Variants in PHOSPHO2 observed in about 807,000 individuals in gnomAD.
PHOSPHO2 encodes the protein pyridoxal phosphate phosphatase PHOSPHO2.
A neutral mutation model predicts 16.4 loss-of-function variants in PHOSPHO2; 14 were observed. The observed-to-expected ratio is 0.85, with a 90% CI of 0.56 to 1.33. The LOEUF is 1.33. PHOSPHO2 is among the 40% of genes most tolerant of loss of function. The probability of loss-of-function intolerance (pLI) is 0.00; values close to 1 mark genes in which losing one functional copy is unlikely to be tolerated. For missense variants in PHOSPHO2, 246 were observed against 282.5 expected (o/e 0.87, Z 0.93); for synonymous variants, 85 against 90.5 (o/e 0.94, Z 0.34).
chr2:169,694,968 G>A (rs1365314824), intron 1 of PHOSPHO2, among the ~76,000 whole-genome samples: 2 of 152,172 alleles, frequency 1.3e-5, no homozygotes, highest in Non-Finnish European at 2.9e-5. Context: ...GAATATTTAC[G>A]TTAGGACCTT....
chr2:169,695,686 C>T (rs1330667848), intron 2 of PHOSPHO2, among the ~76,000 whole-genome samples: 1 of 152,086 alleles, frequency 6.6e-6, no homozygotes, highest in Non-Finnish European at 1.5e-5. Flanking sequence ...GATTTTTACC[C>T]TGTTTGCAGG....
At chr2:169,695,943 G>A (rs1158944977) in intron 2 of PHOSPHO2, among the ~76,000 whole-genome samples, 1 of 152,154 alleles carries the variant, frequency 6.6e-6, no homozygotes, top group Non-Finnish European at 1.5e-5. Flanking sequence ...TCTCAAGGCT[G>A]TCCAGTGTAC....
intron 2 of PHOSPHO2, among the ~76,000 whole-genome samples, chr2:169,696,372 T>C (rs1393310520): frequency 6.6e-6 from 1 of 152,198 alleles, no homozygotes; most frequent in Non-Finnish European, 1.5e-5. Flanking sequence ...ACCATAACCA[T>C]CCCACTGCAC....
At chr2:169,695,183 T>C (rs2105587664) in intron 1 of PHOSPHO2, 32 bp from the exon 2 acceptor site, 1 of 152,370 alleles carries the variant, frequency 6.6e-6, no homozygotes, top group Middle Eastern at 3.4e-3. Context: ...ATAACGAATG[T>C]TCTAACACAT....
intron 3 of PHOSPHO2, among the ~76,000 whole-genome samples, chr2:169,699,981 T>C (rs1687691635): frequency 6.6e-6 from 1 of 152,180 alleles, no homozygotes; most frequent in South Asian, 2.1e-4. Flanking sequence ...CTTTAACTAT[T>C]TGGGAGCTAA....
chr2:169,694,501 C>G lies in PHOSPHO2; in HGVS notation c.-352C>G, dbSNP rs115888469. The G allele has an allele frequency of 5.0e-3, 3,349 of 672,004 alleles. 23 individuals are homozygous for G. Among genetic ancestry groups the G allele is most frequent in the South Asian group, 0.012 (739 of 60,710 alleles). 41.6% of individuals were successfully genotyped at this position (672,004 alleles called of 1,614,324 possible). On this transcript the variant is annotated 5_prime_UTR_variant, in exon 1 of 4. Transcript: ENST00000359744. The stretch of plus-strand genomic sequence containing the variant: ...GCGGTCGGGCTAGAGAAGAGAGGCG[C>G]CTGCGCTTGCGAGCTGGGCTTGTGA...
At chr2:169,696,018 A>G (rs1286645190) in intron 2 of PHOSPHO2, among the ~76,000 whole-genome samples, 1 of 152,188 alleles carries the variant, frequency 6.6e-6, no homozygotes, top group Non-Finnish European at 1.5e-5. Context: ...ACCACCAGAG[A>G]CGCAGGGAAA....
At chr2:169,700,862 CATTT>C (rs1242217160) in intron 3 of PHOSPHO2, 80 bp from the exon 4 acceptor site, 53 of 1,292,244 alleles carry the variant, frequency 4.1e-5, no homozygotes, top group Non-Finnish European at 5.1e-5. Context: ...AGCAGATTAA[CATTT>C]AGTTATGTTT....
Position 169,701,547 on chromosome 2 carries a change from T to C in PHOSPHO2, c.576T>C (p.Asn192=). 6.2e-7 allele frequency: 1 copy of C among 1,613,522 alleles called. No individual in the cohort carries two copies. Among genetic ancestry groups the C allele is most frequent in the Non-Finnish European group, 8.5e-7 (1 of 1,180,004 alleles). ...TCTGTCCAGTCACCTTTTTAAAGAA[T>C]GATGATGTTGCCATGCCACGGAAAG... ...NDVCPVTFLK[N]DDVAMPRKGY... Residue 192 remains asparagine, a synonymous_variant, in exon 4 of 4, where the codon AAT becomes AAC. Coordinates refer to ENST00000359744, the MANE Select transcript of PHOSPHO2 (RefSeq NM_001008489.4).
Position 169,694,474 on chromosome 2 carries a change from T to C in PHOSPHO2, c.-379T>C, listed in dbSNP as rs1574493859. ...CGAGGAACAAGGGAGGTGCTGCAGT[T>C]GGCGGTCGGGCTAGAGAAGAGAGGC... On this transcript the variant is annotated 5_prime_UTR_variant, in exon 1 of 4. Coordinates refer to ENST00000359744, the MANE Select transcript of PHOSPHO2 (RefSeq NM_001008489.4). The C allele has an allele frequency of 9.1e-6, 7 of 766,216 alleles. No individual in the cohort carries two copies. The highest frequency in any genetic ancestry group is 2.0e-5 in the Admixed American group (1 of 49,544). The allele number at this position is 766,216 out of a possible 1,614,324, so 47.5% of individuals were successfully genotyped here.
At position 169,697,548 on chromosome 2, in the gene PHOSPHO2, G is replaced by T. The variant is rs1284891132; in HGVS notation, c.-27+17G>T. ...CTAAGTTGGGTAAGTATTTTTTAAA[G>T]GTTTATGTTGAGTGGTGAGAAAATA... On this transcript the variant is annotated intron_variant, in intron 3 of 3. Coordinates refer to ENST00000359744, the MANE Select transcript of PHOSPHO2 (RefSeq NM_001008489.4). 2 of 152,108 alleles carry T rather than the reference G, an allele frequency of 1.3e-5. No individual in the cohort carries two copies. Among genetic ancestry groups the T allele is most frequent in the Non-Finnish European group, 2.9e-5 (2 of 68,020 alleles). The allele number at this position is 152,108 out of a possible 1,614,324, so 9.4% of individuals were successfully genotyped here. A position where few individuals can be genotyped will look rare whatever the true frequency, so the allele number is the denominator to read the frequency against.
In PHOSPHO2 at chr2:169,701,055, C is replaced by CA. The variant is rs1558931629; in HGVS notation, c.89dup (p.Leu31AlafsTer4). The CA allele has an allele frequency of 1.2e-6, 2 of 1,613,778 alleles. No individual in the cohort carries two copies. Among genetic ancestry groups the CA allele is most frequent in the African/African-American group, 1.3e-5 (1 of 75,024 alleles). On this transcript the variant is annotated frameshift_variant, in exon 4 of 4. Coordinates refer to ENST00000359744, the MANE Select transcript of PHOSPHO2 (RefSeq NM_001008489.4). LOFTEE classifies it high-confidence loss of function. ...CTTGGATTGTACAATGTGCTCCCAA[C>CA]AAAAAGCTTCCTATTGAACTACGTG...
chr2:169,700,738 T>G (rs1313348324), intron 3 of PHOSPHO2, among the ~76,000 whole-genome samples: 1 of 152,256 alleles, frequency 6.6e-6, no homozygotes, highest in East Asian at 1.9e-4. Context: ...AATGTCCTTT[T>G]TATATATTTT....
intron 3 of PHOSPHO2, chr2:169,698,093 A>G (rs1220393521): frequency 6.6e-6 from 1 of 152,224 alleles, no homozygotes; most frequent in Non-Finnish European, 1.5e-5. Context: ...CTGGGTGTCT[A>G]CTGTTATAAA....
chr2:169,695,417 A>AGGAGAT (rs1463683155), intron 2 of PHOSPHO2, among the ~76,000 whole-genome samples, 170 bp downstream of exon 2: 1 of 152,136 alleles, frequency 6.6e-6, no homozygotes, highest in Non-Finnish European at 1.5e-5. Context: ...CGGGCGGATC[A>AGGAGAT]CGAGGTCAGG....
intron 3 of PHOSPHO2, among the ~76,000 whole-genome samples, chr2:169,698,468 A>G (rs1411802448): frequency 6.6e-6 from 1 of 152,208 alleles, no homozygotes; most frequent in Admixed American, 6.5e-5. Flanking sequence ...GATCCAGCTT[A>G]TATATCTTTA....
intron 3 of PHOSPHO2, among the ~76,000 whole-genome samples, chr2:169,698,945 G>T (rs1687646898): frequency 6.6e-6 from 1 of 152,170 alleles, no homozygotes; most frequent in Non-Finnish European, 1.5e-5. Context: ...CATATAGAGT[G>T]TCAGCAATCA....
intron 3 of PHOSPHO2, among the ~76,000 whole-genome samples, chr2:169,699,134 C>T (rs1369237397): frequency 1.3e-5 from 2 of 152,104 alleles, no homozygotes; most frequent in Non-Finnish European, 2.9e-5. Context: ...GTATTGAGCC[C>T]AGCATCCACT....
intron 2 of PHOSPHO2, among the ~76,000 whole-genome samples, chr2:169,697,033 T>TTGA (rs1687564870): frequency 5.3e-5 from 8 of 151,526 alleles, no homozygotes; most frequent in Non-Finnish European, 8.9e-5. Context: ...TTTTTTTTTT[T>TTGA]GACACGGAGT....
Sources: gnomAD v4.1 joint callset for allele counts (sites outside exome capture counted in the v4.1 genomes callset) on GRCh38, gnomAD v4.1.1 for gene constraint, MANE v1.5 for transcripts, NCBI Gene and HGNC (gene_info 2026-07-23, HGNC 2026-07-21) for gene names.